The following NUBPL variants were observed in gnomAD, a reference collection of about 807,000 sequenced individuals.
NUBPL encodes NUBP iron-sulfur cluster assembly factor, mitochondrial.
A neutral mutation model predicts 45.7 loss-of-function variants in NUBPL; 31 were observed. The observed-to-expected ratio is 0.68, with a 90% CI of 0.51 to 0.92. The LOEUF is 0.92. Among genes scored for constraint, NUBPL ranks in the 40% least tolerant of loss-of-function variants. The pLI, the probability that NUBPL is intolerant of heterozygous loss-of-function variation, is 0.00. For synonymous variants in NUBPL, 144 were observed against 140.9 expected, an observed-to-expected ratio of 1.02 and a Z score of -0.15; for missense variants, 401 against 398.7, an observed-to-expected ratio of 1.01 and a Z score of -0.05.
chr14:31,722,302 G>C (rs921378959), intron 6 of NUBPL, among the ~76,000 whole-genome samples: 1 of 152,168 alleles, frequency 6.6e-6, no homozygotes, highest in East Asian at 1.9e-4. Flanking sequence ...AAGCCACCAC[G>C]CCCGGCCATG....
chr14:31,746,529 A>C (rs929911323), intron 6 of NUBPL, among the ~76,000 whole-genome samples: 1 of 152,016 alleles, frequency 6.6e-6, no homozygotes, highest in African/African-American at 2.4e-5. Context: ...CCTGGGATGA[A>C]TCCTACTTGA....
intron 6 of NUBPL, among the ~76,000 whole-genome samples, chr14:31,710,280 C>A (rs2037541119): frequency 6.6e-6 from 1 of 152,176 alleles, no homozygotes; most frequent in South Asian, 2.1e-4. Context: ...GTTTCTCCCC[C>A]TGCCCAAGAA....
intron 4 of NUBPL, among the ~76,000 whole-genome samples, chr14:31,661,688 TCAC>T (rs1400940526): frequency 1.3e-5 from 2 of 152,034 alleles, no homozygotes; most frequent in African/African-American, 4.8e-5. Context: ...CTATAGGCGC[TCAC>T]CACCACACCC....
At chr14:31,830,002 T>C (rs2040164630) in intron 8 of NUBPL, among the ~76,000 whole-genome samples, 1 of 152,300 alleles carries the variant, frequency 6.6e-6, no homozygotes, top group African/African-American at 2.4e-5. Flanking sequence ...TCTTGCCTTC[T>C]TATATGTGGG....
chr14:31,622,084 A>G (rs551680178), intron 4 of NUBPL, among the ~76,000 whole-genome samples: 1 of 152,330 alleles, frequency 6.6e-6, no homozygotes, highest in Admixed American at 6.5e-5. Context: ...GAATTGGAGT[A>G]AAGGTCACTC....
chr14:31,680,575 C>T (rs999364375), intron 6 of NUBPL, among the ~76,000 whole-genome samples: 56 of 151,958 alleles, frequency 3.7e-4, no homozygotes, highest in Non-Finnish European at 8.8e-5. Context: ...ATTTTAATTA[C>T]AATGAGTAAT....
chr14:31,856,356 A>G (rs1424884588), intron 10 of NUBPL, among the ~76,000 whole-genome samples: 1 of 152,160 alleles, frequency 6.6e-6, no homozygotes, highest in Non-Finnish European at 1.5e-5. Flanking sequence ...ACACATGGGA[A>G]TTGTGGGAGT....
chr14:31,704,418 C>A (rs139710313), intron 6 of NUBPL, among the ~76,000 whole-genome samples: 1 of 152,112 alleles, frequency 6.6e-6, no homozygotes. Flanking sequence ...AATCCCAGCA[C>A]ATTGGGAGGC....
At chr14:31,651,684 G>C (rs2036008569) in intron 4 of NUBPL, among the ~76,000 whole-genome samples, 1 of 152,082 alleles carries the variant, frequency 6.6e-6, no homozygotes, top group Admixed American at 6.5e-5. Flanking sequence ...GGATCACAAG[G>C]TCAGGAGATC....
At chr14:31,659,624 C>T (rs1286996954) in intron 4 of NUBPL, among the ~76,000 whole-genome samples, 1 of 152,126 alleles carries the variant, frequency 6.6e-6, no homozygotes, top group African/African-American at 2.4e-5. Flanking sequence ...AAGTTTATAT[C>T]TGTACTCAGT....
intron 7 of NUBPL, among the ~76,000 whole-genome samples, chr14:31,813,755 A>G (rs1488883391): frequency 6.6e-6 from 1 of 152,108 alleles, no homozygotes; most frequent in Non-Finnish European, 1.5e-5. Flanking sequence ...CTCTTTGTTC[A>G]ACTCCCACTT....
chr14:31,729,492 A>C (rs1017056706), intron 6 of NUBPL, among the ~76,000 whole-genome samples: 6 of 152,086 alleles, frequency 3.9e-5, no homozygotes, highest in Non-Finnish European at 7.4e-5. Flanking sequence ...CAATGCAGAA[A>C]CCTACATTTG....
chr14:31,658,281 C>T (rs547631531), intron 4 of NUBPL, among the ~76,000 whole-genome samples: 13 of 152,258 alleles, frequency 8.5e-5, no homozygotes, highest in Admixed American at 3.3e-4. Flanking sequence ...AGAAACAGGC[C>T]TTAACTGAAA....
chr14:31,787,327 T>C (rs1198783618), intron 6 of NUBPL, among the ~76,000 whole-genome samples: 2 of 152,204 alleles, frequency 1.3e-5, no homozygotes, highest in African/African-American at 4.8e-5. Context: ...ATTAAATTTT[T>C]TATTATTAAG....
At chr14:31,577,986 G>T in intron 3 of NUBPL, 1 of 1,288,886 alleles carries the variant, frequency 7.8e-7, no homozygotes, top group Non-Finnish European at 1.0e-6. Flanking sequence ...TAAATCATCT[G>T]CCACTATTGC....
intron 7 of NUBPL, among the ~76,000 whole-genome samples, chr14:31,812,072 C>G (rs1000813888): frequency 6.6e-6 from 1 of 152,206 alleles, no homozygotes; most frequent in Admixed American, 6.5e-5. Context: ...TGGGAGGTGT[C>G]TCCAAATTAG....
chr14:31,758,534 G>A (rs929895445), intron 6 of NUBPL, among the ~76,000 whole-genome samples: 4 of 152,030 alleles, frequency 2.6e-5, no homozygotes, highest in African/African-American at 9.7e-5. Flanking sequence ...GTTTAAGGCT[G>A]TTTTTTATAT....
chr14:31,793,211 T>G (rs1020725068), intron 7 of NUBPL, among the ~76,000 whole-genome samples: 2 of 152,048 alleles, frequency 1.3e-5, no homozygotes, highest in Admixed American at 1.3e-4. Flanking sequence ...TTGGGATCCC[T>G]CTAGAAAAAA....
At chr14:31,795,190 G>T (rs1233004820) in intron 7 of NUBPL, among the ~76,000 whole-genome samples, 1 of 151,184 alleles carries the variant, frequency 6.6e-6, no homozygotes, top group African/African-American at 2.5e-5. Flanking sequence ...TGTTCTTTTG[G>T]CTTAGGATTG....
Sources: allele counts gnomAD v4.1 joint callset (sites outside exome capture counted in the v4.1 genomes callset), GRCh38; gene constraint gnomAD v4.1.1; transcripts MANE v1.5; gene names NCBI Gene and HGNC (gene_info 2026-07-23, HGNC 2026-07-21).